The following PCNT variants were observed in gnomAD, a reference collection of about 807,000 sequenced individuals.
PCNT encodes pericentrin.
A neutral mutation model predicts 380.4 loss-of-function variants in PCNT; 319 were observed. The observed-to-expected ratio is 0.84, with a 90% confidence interval of 0.77 to 0.92. PCNT has a LOEUF of 0.92. Ranked by LOEUF, PCNT falls within the 40% of genes least tolerant of loss-of-function variation. The pLI is 0.00. For missense variants in PCNT, 4,400 were observed against 4,255.3 expected, an observed-to-expected ratio of 1.03 and a Z score of -0.95; for synonymous variants, 1,845 against 1,735.2, an observed-to-expected ratio of 1.06 and a Z score of -1.57.
chr21:46,364,246 G>A (rs1027794126), intron 14 of PCNT, among the ~76,000 whole-genome samples: 2 of 151,966 alleles, frequency 1.3e-5, no homozygotes, highest in African/African-American at 4.8e-5. Flanking sequence ...CTTTGTGCTC[G>A]GACGGGCAGG....
chr21:46,349,075 T>C lies in PCNT; in HGVS notation c.1096T>C (p.Ser366Pro). 1 of 1,608,198 alleles carries C rather than the reference T, an allele frequency of 6.2e-7. No individual in the cohort carries two copies. Among genetic ancestry groups the C allele is most frequent in the Non-Finnish European group, 8.5e-7 (1 of 1,174,614 alleles). The change falls in exon 7 of 47, where the codon TCT (serine) becomes CCT (proline). Residue 366 changes from serine (S) to proline (P), a missense_variant. Coordinates refer to ENST00000359568, the MANE Select transcript of PCNT (RefSeq NM_006031.6). Reference protein sequence around the residue: ...LCLENLRKELSAKHQSEMEDL... With the variant: ...LCLENLRKELPAKHQSEMEDL... ...TTTAGAAAATCTACGCAAAGAACTG[T>C]CTGCAAAGCATCAATCAGAAATGGA...
Position 46,442,513 on chromosome 21 carries a change from A to G in PCNT, c.9640A>G (p.Lys3214Glu). 2 of 1,610,554 alleles carry G rather than the reference A, an allele frequency of 1.2e-6. No individual in the cohort carries two copies. The highest frequency in any genetic ancestry group is 2.2e-5 in the East Asian group (1 of 44,842). The change falls in exon 44 of 47, where the codon AAG (lysine) becomes GAG (glutamate). Residue 3214 changes from lysine to glutamate, a missense_variant. By Grantham distance (56) the Lys-to-Glu change is moderately conservative (BLOSUM62 1). Coordinates refer to ENST00000359568, the MANE Select transcript of PCNT (RefSeq NM_006031.6). ...IAILRLRFLV[K>E]KWQEVDRKGA... ...TTTTTGTAGATTACGTTTTTTGGTTAAGAAATGGCAAGAAGTAGATCGGAA... is the reference window on the plus strand; with the variant it reads ...TTTTTGTAGATTACGTTTTTTGGTTGAGAAATGGCAAGAAGTAGATCGGAA...
chr21:46,427,640 C>T lies in PCNT; in HGVS notation c.7339C>T (p.Pro2447Ser). 2 of 1,613,962 alleles carry T rather than the reference C, an allele frequency of 1.2e-6. No homozygotes were observed. The highest frequency in any genetic ancestry group is 1.7e-5 in the Admixed American group (1 of 60,026). ...CCTTTAGGAAGTGCCCACCGCGTGC[C>T]CCGATTGGAGAGGGGACCTTCTGCA... is the stretch of plus-strand genomic sequence containing the variant. ...GKTQEVPTAC[P>S]DWRGDLLQVV... Residue 2447 changes from proline to serine, a missense_variant, in exon 34 of 47, where the codon CCC becomes TCC. Transcript: ENST00000359568.
intron 17 of PCNT, among the ~76,000 whole-genome samples, chr21:46,387,113 G>A (rs2147250708): frequency 6.6e-6 from 1 of 152,306 alleles, no homozygotes; most frequent in East Asian, 1.9e-4. Context: ...GCTCTGCTCT[G>A]GAGACCACCC....
At chr21:46,349,991 A>T (rs1340062489) in intron 8 of PCNT, among the ~76,000 whole-genome samples, 171 bp downstream of exon 8, 1 of 152,116 alleles carries the variant, frequency 6.6e-6, no homozygotes, top group Non-Finnish European at 1.5e-5. Flanking sequence ...TGGGAGGCCA[A>T]GGTGGGCAGA....
intron 6 of PCNT, 36 bp from the exon 7 acceptor site, chr21:46,348,975 CA>C: frequency 1.5e-6 from 2 of 1,329,744 alleles, no homozygotes; most frequent in South Asian, 2.4e-5. Flanking sequence ...CACAGATAAT[CA>C]ACTATTGAGT....
intron 27 of PCNT, among the ~76,000 whole-genome samples, chr21:46,403,394 G>T (rs1023969911): frequency 7.1e-6 from 1 of 141,496 alleles, no homozygotes; most frequent in African/African-American, 2.7e-5. Flanking sequence ...TGTGTGTGTG[G>T]TGCCCACGCG....
At chr21:46,343,036 G>C (rs1346424837) in intron 3 of PCNT, among the ~76,000 whole-genome samples, 1 of 152,168 alleles carries the variant, frequency 6.6e-6, no homozygotes, top group African/African-American at 2.4e-5. Context: ...AAACTTTACT[G>C]AATTCATCGA....
chr21:46,340,714 G>C (rs2083888575), intron 3 of PCNT, among the ~76,000 whole-genome samples: 1 of 152,170 alleles, frequency 6.6e-6, no homozygotes, highest in African/African-American at 2.4e-5. Flanking sequence ...CTGTTGCCCA[G>C]ACTGGAGTGT....
intron 3 of PCNT, among the ~76,000 whole-genome samples, chr21:46,338,627 G>A (rs966673967): frequency 8.8e-5 from 13 of 148,548 alleles, no homozygotes; most frequent in Admixed American, 2.7e-4. Flanking sequence ...TTTTTGAGAC[G>A]GAGTTTTGCT....
rs1282198986 is a variant in PCNT at position 46,425,898 on chromosome 21, C to T, written c.7247C>T (p.Pro2416Leu). ...GCGCTGTCAGAAGGCCTTGCACCCC[C>T]AAGCGGCGAGCCACACCCACCCCGG... ...ILALSEGLAP[P>L]SGEPHPPRKE... Residue 2416 changes from proline to leucine, a missense_variant, in exon 33 of 47, where the codon CCA becomes CTA. Transcript: ENST00000359568. This position sits in a 1 kb window ranked among gnomAD's most constrained non-coding sequence, Gnocchi z 4.2. The T allele has an allele frequency of 1.2e-6, 2 of 1,613,768 alleles. No individual in the cohort carries two copies. The highest frequency in any genetic ancestry group is 1.3e-5 in the African/African-American group (1 of 74,876).
chr21:46,411,552 G>T lies in PCNT; in HGVS notation c.5479G>T (p.Ala1827Ser), dbSNP rs563470468. The T allele has an allele frequency of 3.1e-6, 5 of 1,612,212 alleles. No homozygotes were observed. The highest frequency in any genetic ancestry group is 1.7e-4 in the Middle Eastern group (1 of 6,046). ...LEALQQRLQG[A>S]EEAAELQLAE... ...GGCCCTGCAGCAGCGCCTCCAGGGC[G>T]CAGAGGAGGCTGCGGAGCTACAGCT... Residue 1827 changes from alanine to serine, a missense_variant, in exon 28 of 47, where the codon GCA becomes TCA. By Grantham distance (99) the Ala-to-Ser change is moderately conservative (BLOSUM62 1). Coordinates refer to ENST00000359568, the MANE Select transcript of PCNT (RefSeq NM_006031.6).
chr21:46,336,038 G>A (rs1367380930), intron 3 of PCNT, among the ~76,000 whole-genome samples: 15 of 151,868 alleles, frequency 9.9e-5, no homozygotes, highest in South Asian at 4.2e-4. Context: ...GTGCAGTGGC[G>A]CGATCTCGGC....
rs1202566234 is a variant in PCNT, at chr21:46,359,635, C to T, written c.2154+2444C>T. ...TCCCGAGTAGCTGGGACTACAGGCA[C>T]GTGCCACCACACCCGGCTAATTTTT... On this transcript the variant is annotated intron_variant, in intron 13 of 46. Transcript: ENST00000359568. Among the ~76,000 whole-genome samples the T allele has an allele frequency of 4.0e-4, 57 of 141,304 alleles. 7 individuals are homozygous for T. The highest frequency in any genetic ancestry group is 1.4e-3 in the African/African-American group (53 of 38,190). The allele number at this position is 141,304 out of a possible 152,430, so 92.7% of individuals were successfully genotyped here. A position where few individuals can be genotyped will look rare whatever the true frequency, so the allele number is the denominator to read the frequency against.
intron 9 of PCNT, among the ~76,000 whole-genome samples, chr21:46,352,377 G>A (rs140760699): frequency 8.5e-5 from 13 of 152,294 alleles, no homozygotes; most frequent in African/African-American, 2.6e-4. Context: ...TCTGTCTGTC[G>A]CTGGAGGCTG....
rs773258643 is a variant in PCNT, at chr21:46,431,877, C to G, written c.8413C>G (p.Gln2805Glu). ...GGAGAAGTCCCGGGTGGTGGACTTGCAAGCGATGCTTGAAAAGGTGCAGCA... is the reference window on the plus strand; with the variant it reads ...GGAGAAGTCCCGGGTGGTGGACTTGGAAGCGATGCTTGAAAAGGTGCAGCA... ...KEEKSRVVDL[Q>E]AMLEKVQQQA... is the part of the protein sequence containing the mutation. The change falls in exon 38 of 47, where the codon CAA becomes GAA. Residue 2805 changes from glutamine (Q) to glutamate (E), a missense_variant. Gln to Glu is a conservative substitution (Grantham distance 29). Transcript: ENST00000359568. The G allele has an allele frequency of 3.1e-6, 5 of 1,614,090 alleles. No homozygotes were observed. Among genetic ancestry groups the G allele is most frequent in the Non-Finnish European group, 4.2e-6 (5 of 1,180,030 alleles).
At position 46,346,147 on chromosome 21, in the gene PCNT, A is replaced by C. The variant is rs563051197; in HGVS notation, c.659A>C (p.Glu220Ala). 8 of 1,614,166 alleles carry C rather than the reference A, an allele frequency of 5.0e-6. No individual in the cohort carries two copies. The South Asian group carries it at 8.8e-5, about 18-fold the overall frequency. The change falls in exon 4 of 47, where the codon GAA (glutamate) becomes GCA (alanine). Residue 220 changes from glutamate (E) to alanine (A), a missense_variant. Transcript: ENST00000359568. ...MFTKECEQECELAITDLESGR... is the reference protein window; with the variant it reads ...MFTKECEQECALAITDLESGR... ...CCCCAGGAGTGTGAACAAGAATGTG[A>C]ACTTGCCATTACTGACCTGGAGAGC... is the stretch of plus-strand genomic sequence containing the variant.
Position 46,437,003 on chromosome 21 carries a change from C to T in PCNT, c.9021C>T (p.Ser3007=). 1 of 1,613,968 alleles carries T rather than the reference C, an allele frequency of 6.2e-7. No homozygotes were observed. ...GGACAGTTAATGATTGGACGTCATCCAATGAGAAAGCAGTGATGTCTTTAC... is the reference window on the plus strand; with the variant it reads ...GGACAGTTAATGATTGGACGTCATCTAATGAGAAAGCAGTGATGTCTTTAC... ...VDRTVNDWTS[S]NEKAVMSLLH... is the part of the protein sequence containing the mutation. Residue 3007 remains serine, a synonymous_variant, in exon 40 of 47, where the codon TCC becomes TCT. Transcript: ENST00000359568.
chr21:46,442,575 T>C lies in PCNT; in HGVS notation c.9700+2T>C. The C allele has an allele frequency of 7.5e-6, 12 of 1,591,406 alleles. No homozygotes were observed. Among genetic ancestry groups the C allele is most frequent in the Non-Finnish European group, 1.0e-5 (12 of 1,159,432 alleles). On this transcript the variant is annotated splice_donor_variant, in intron 44 of 46. Coordinates refer to ENST00000359568, the MANE Select transcript of PCNT (RefSeq NM_006031.6). LOFTEE classifies it high-confidence loss of function. ...CACAAGGCAAAGCCCCTCGCCCAGG[T>C]GGGACTCCAGCTGCTGTTGACCGCT...
Sources: allele counts gnomAD v4.1 joint callset (sites outside exome capture counted in the v4.1 genomes callset), GRCh38; gene constraint gnomAD v4.1.1; non-coding constraint Gnocchi (gnomAD v3.1); transcripts MANE v1.5; gene names NCBI Gene and HGNC (gene_info 2026-07-23, HGNC 2026-07-21).